Variants in ARHGAP26 observed in about 807,000 individuals in gnomAD.
ARHGAP26 encodes the protein Rho GTPase activating protein 26.
A neutral mutation model predicts 104.8 loss-of-function variants in ARHGAP26; 38 were observed. The ratio of observed to expected loss-of-function variants is 0.36; its 90% CI spans 0.28 to 0.48. ARHGAP26 has a LOEUF of 0.48. Ranked by LOEUF, ARHGAP26 falls within the 20% of genes least tolerant of loss-of-function variation. The pLI is 0.99. For synonymous variants in ARHGAP26, 341 were observed against 340.0 expected (o/e 1.00, Z -0.03); for missense variants, 704 against 947.9 (o/e 0.74, Z 3.38).
chr5:142,963,375 A>G (rs1046129331), intron 11 of ARHGAP26, among the ~76,000 whole-genome samples: 11 of 151,922 alleles, frequency 7.2e-5, no homozygotes, highest in Non-Finnish European at 1.6e-4. Context: ...GTGTATACCC[A>G]GTAATGGGAT....
chr5:143,076,931 C>A lies in ARHGAP26; in HGVS notation c.1538+19184C>A, dbSNP rs1286319691. Among the ~76,000 whole-genome samples, 11 of 152,186 alleles carry A rather than the reference C, an allele frequency of 7.2e-5. No individual in the cohort carries two copies. In the East Asian group the frequency reaches 1.7e-3, roughly 24 times the overall value. On this transcript the variant is annotated intron_variant, in intron 17 of 22. Coordinates refer to ENST00000645722, the MANE Select transcript of ARHGAP26 (RefSeq NM_001135608.3). ...TTTCTAAAGTTTTTAACATTATAAG[C>A]AATGCTGCAGTGAACATCCTTGCAA...
chr5:143,060,667 C>G lies in ARHGAP26; in HGVS notation c.1538+2920C>G, dbSNP rs973581417. 3.4e-4 allele frequency among the ~76,000 whole-genome samples: 51 copies of G among 151,888 alleles called. 1 individual carries two copies. Among genetic ancestry groups the G allele is most frequent in the African/African-American group, 1.2e-3 (51 of 41,386 alleles). ...TGGAATCTAGTATACAGTCTGGAGT[C>G]ATGTGCCTCAAAGCATGGTTAGAAT... On this transcript the variant is annotated intron_variant, in intron 17 of 22. Coordinates refer to ENST00000645722, the MANE Select transcript of ARHGAP26 (RefSeq NM_001135608.3).
intron 20 of ARHGAP26, among the ~76,000 whole-genome samples, chr5:143,190,815 A>C (rs73796985): frequency 2.4e-4 from 36 of 152,218 alleles, no homozygotes; most frequent in Non-Finnish European, 1.5e-5. Flanking sequence ...TTACTACTCA[A>C]TAAGAACATG....
chr5:143,211,689 C>T (rs1052890371), intron 21 of ARHGAP26, among the ~76,000 whole-genome samples: 2 of 151,640 alleles, frequency 1.3e-5, no homozygotes, highest in Non-Finnish European at 2.9e-5. Flanking sequence ...GCCTCAGCCT[C>T]CCAAGTAACC....
chr5:142,985,679 C>T (rs1325154628), intron 11 of ARHGAP26, among the ~76,000 whole-genome samples: 1 of 140,484 alleles, frequency 7.1e-6, no homozygotes, highest in Non-Finnish European at 1.5e-5. Context: ...ACAACAGGCC[C>T]TGGTGTGTGA....
Position 142,861,705 on chromosome 5 carries a change from C to T in ARHGAP26, c.155-11695C>T, listed in dbSNP as rs560692421. ...CTATGGTTTATTGAGTGTTTGCTGC[C>T]GGCCAGGCCCTGTGCTAAGCACTTC... On this transcript the variant is annotated intron_variant, in intron 1 of 22. Transcript: ENST00000645722. 4.3e-4 allele frequency among the ~76,000 whole-genome samples: 66 copies of T among 152,220 alleles called. No homozygotes were observed. The Middle Eastern group carries it at 0.024, about 55-fold the overall frequency.
intron 19 of ARHGAP26, among the ~76,000 whole-genome samples, chr5:143,143,287 G>A (rs920920475): frequency 2.6e-5 from 4 of 152,108 alleles, no homozygotes; most frequent in African/African-American, 9.7e-5. Flanking sequence ...TCCTGGCCTC[G>A]CCTCTGGGTT....
chr5:142,898,271 G>A (rs902435336), intron 6 of ARHGAP26, among the ~76,000 whole-genome samples: 1 of 151,900 alleles, frequency 6.6e-6, no homozygotes, highest in Non-Finnish European at 1.5e-5. Flanking sequence ...TGCACTGGAA[G>A]CTTTAATTTT....
chr5:143,070,503 A>C (rs1788086761), intron 17 of ARHGAP26, among the ~76,000 whole-genome samples: 1 of 152,244 alleles, frequency 6.6e-6, no homozygotes, highest in South Asian at 2.1e-4. Context: ...GAAATTGAAG[A>C]GAATACAAAC....
In ARHGAP26 at chr5:143,228,299, C is replaced by A. The variant is rs1811820276; in HGVS notation, c.*5853C>A. 8.9e-6 allele frequency: 2 copies of A among 224,568 alleles called. No homozygotes were observed. The highest frequency in any genetic ancestry group is 1.1e-4 in the Admixed American group (2 of 17,502). The allele number at this position is 224,568 out of a possible 1,614,324, so 13.9% of individuals were successfully genotyped here. On this transcript the variant is annotated 3_prime_UTR_variant, in exon 23 of 23. Coordinates refer to ENST00000645722, the MANE Select transcript of ARHGAP26 (RefSeq NM_001135608.3). ...ACATCTATGAAGACATAGACACTTA[C>A]AGAGACCCACATGAGCTGGCACTTT... is the stretch of plus-strand genomic sequence containing the variant.
intron 10 of ARHGAP26, among the ~76,000 whole-genome samples, chr5:142,925,990 C>T (rs1000240209): frequency 1.9e-4 from 29 of 152,052 alleles, no homozygotes; most frequent in African/African-American, 5.6e-4. Flanking sequence ...GGGTAAATTG[C>T]CAAACCACTG....
At chr5:143,063,960 C>T (rs1432426505) in intron 17 of ARHGAP26, among the ~76,000 whole-genome samples, 1 of 152,194 alleles carries the variant, frequency 6.6e-6, no homozygotes, top group East Asian at 1.9e-4. Context: ...CAGTCTGTCT[C>T]CCTTGTCTTT....
intron 1 of ARHGAP26, among the ~76,000 whole-genome samples, chr5:142,861,219 T>C (rs1424370635): frequency 6.6e-6 from 1 of 152,120 alleles, no homozygotes; most frequent in Non-Finnish European, 1.5e-5. Flanking sequence ...AGGCTTCCGT[T>C]CTTGGTCCCT....
At chr5:142,804,874 T>G (rs1221187771) in intron 1 of ARHGAP26, among the ~76,000 whole-genome samples, 1 of 152,220 alleles carries the variant, frequency 6.6e-6, no homozygotes. Context: ...CTCACCATCA[T>G]GCAACCACTA....
At position 143,027,951 on chromosome 5, in the gene ARHGAP26, C is replaced by T. The variant is rs924532581; in HGVS notation, c.1145-9245C>T. 5.9e-5 allele frequency among the ~76,000 whole-genome samples: 9 copies of T among 152,208 alleles called. No individual in the cohort carries two copies. In the South Asian group the frequency reaches 6.2e-4, roughly 11 times the overall value. On this transcript the variant is annotated intron_variant, in intron 12 of 22. Coordinates refer to ENST00000645722, the MANE Select transcript of ARHGAP26 (RefSeq NM_001135608.3). ...ACTCTTGTTCACTGGAGTTGAGAGC[C>T]GCTACTGGAATAGAAATGGTAGGAT...
At position 143,121,136 on chromosome 5, in the gene ARHGAP26, A is replaced by T. The variant is rs930412391; in HGVS notation, c.1687A>T (p.Asn563Tyr). 1 of 1,613,044 alleles carries T rather than the reference A, an allele frequency of 6.2e-7. No homozygotes were observed. Among genetic ancestry groups the T allele is most frequent in the Admixed American group, 1.7e-5 (1 of 59,890 alleles). ...QNIVIEILIE[N>Y]HEKIFNTVPD... is the part of the protein sequence containing the mutation. ...CATTGTCATTGAGATCCTAATAGAA[A>T]ACCACGAAAAGGTAATATGTAATTG... Residue 563 changes from asparagine (N) to tyrosine (Y), a missense_variant, in exon 18 of 23, where the codon AAC becomes TAC. Asn to Tyr is a moderately radical substitution (Grantham distance 143). Coordinates refer to ENST00000645722, the MANE Select transcript of ARHGAP26 (RefSeq NM_001135608.3).
intron 22 of ARHGAP26, among the ~76,000 whole-genome samples, chr5:143,221,867 C>CTT: frequency 6.6e-6 from 1 of 152,020 alleles, no homozygotes; most frequent in East Asian, 1.9e-4. Context: ...AGCAGTCTTC[C>CTT]ATGGGCACTG....
At chr5:143,010,006 A>G (rs115891491) in intron 11 of ARHGAP26, among the ~76,000 whole-genome samples, 3,717 of 152,270 alleles carry the variant, frequency 0.024, 64 homozygotes, top group Middle Eastern at 0.051. Flanking sequence ...GAGATTGCTA[A>G]TCATAAGACA....
rs933262880 is a variant in ARHGAP26, at chr5:142,780,825, A to G, written c.154+9910A>G. Among the ~76,000 whole-genome samples the G allele has an allele frequency of 2.0e-5, 3 of 152,188 alleles. No individual in the cohort carries two copies. In the East Asian group the frequency reaches 5.8e-4, roughly 29 times the overall value. ...TGGTCTAGGGGACACGTTGCCTATC[A>G]TAGAAGCTTCCCGGTGGGCACTGGA... On this transcript the variant is annotated intron_variant, in intron 1 of 22. Coordinates refer to ENST00000645722, the MANE Select transcript of ARHGAP26 (RefSeq NM_001135608.3).
Sources: allele counts gnomAD v4.1 joint callset (sites outside exome capture counted in the v4.1 genomes callset), GRCh38; gene constraint gnomAD v4.1.1; transcripts MANE v1.5; gene names NCBI Gene and HGNC (gene_info 2026-07-23, HGNC 2026-07-21).